The following NEBL variants were observed in gnomAD, a reference collection of about 807,000 sequenced individuals.
NEBL encodes the protein nebulette.
NEBL carries 122 observed loss-of-function variants against 140.2 expected under a neutral mutation model. The ratio of observed to expected loss-of-function variants is 0.87; its 90% CI spans 0.75 to 1.01. The LOEUF is 1.01. Among genes scored for constraint, NEBL ranks in the 50% least tolerant of loss-of-function variants. NEBL has a pLI of 0.00. For synonymous variants in NEBL, 436 were observed against 398.9 expected (o/e 1.09, Z -1.11); for missense variants, 1,365 against 1,231.3 (o/e 1.11, Z -1.62).
intron 3 of NEBL, among the ~76,000 whole-genome samples, chr10:21,018,548 C>G (rs557162198): frequency 4.3e-4 from 66 of 152,294 alleles, no homozygotes; most frequent in African/African-American, 1.6e-3. Context: ...TCCCAACCAT[C>G]TATTCATGGC....
At chr10:21,027,538 A>G (rs1399167299) in intron 2 of NEBL, among the ~76,000 whole-genome samples, 1 of 152,204 alleles carries the variant, frequency 6.6e-6, no homozygotes, top group East Asian at 1.9e-4. Context: ...CATGTTGCCC[A>G]GGCTGGATCT....
At chr10:21,027,942 C>A (rs1833583315) in intron 2 of NEBL, among the ~76,000 whole-genome samples, 1 of 151,942 alleles carries the variant, frequency 6.6e-6, no homozygotes, top group African/African-American at 2.4e-5. Flanking sequence ...GAGAAATAGG[C>A]CAAGTGCAGT....
intron 3 of NEBL, among the ~76,000 whole-genome samples, chr10:20,971,448 T>A (rs11012425): frequency 7.0e-6 from 1 of 143,636 alleles, no homozygotes; most frequent in East Asian, 2.0e-4. Flanking sequence ...TTTTTTTTTC[T>A]TTTTTTTTTT....
At chr10:20,850,959 C>T (rs569437549) in intron 10 of NEBL, among the ~76,000 whole-genome samples, 20 of 152,162 alleles carry the variant, frequency 1.3e-4, no homozygotes, top group Non-Finnish European at 2.5e-4. Flanking sequence ...GGAGGATGTC[C>T]TCCAGGGATG....
intron 26 of NEBL, chr10:20,793,354 A>C: frequency 1.0e-6 from 1 of 978,204 alleles, no homozygotes; most frequent in South Asian, 4.7e-5. Flanking sequence ...TTAAATCTTC[A>C]GTTTCAGCAG....
At chr10:20,899,341 T>A (rs1319591356), upstream of NEBL, 11 of 1,221,102 alleles carry the variant, frequency 9.0e-6, no homozygotes, top group Non-Finnish European at 1.2e-5. Flanking sequence ...AGTACTGGTG[T>A]TACTCAGGGT....
intron 2 of NEBL, among the ~76,000 whole-genome samples, chr10:21,122,738 T>C (rs1470958953): frequency 6.6e-6 from 1 of 152,122 alleles, no homozygotes; most frequent in Admixed American, 6.6e-5. Context: ...AGAAGAGATA[T>C]CTATTTGAGT....
intron 2 of NEBL, among the ~76,000 whole-genome samples, chr10:21,088,546 T>C (rs1016357923): frequency 6.6e-6 from 1 of 152,142 alleles, no homozygotes; most frequent in Admixed American, 6.6e-5. Flanking sequence ...CTTCTTTCAA[T>C]GGCCAAAGCA....
In NEBL at chr10:21,037,190, G is replaced by A. The variant is rs1459050684; in HGVS notation, c.165-16989C>T. On this transcript the variant is annotated intron_variant, in intron 2 of 6. Transcript: ENST00000417816. ...CTTTGCTCCTAAAAATGAACAAGCAGCCAGCGACCATCCAGTCATTTAAGA... is the reference window on the plus strand; with the variant it reads ...CTTTGCTCCTAAAAATGAACAAGCAACCAGCGACCATCCAGTCATTTAAGA... Among the ~76,000 whole-genome samples the A allele has an allele frequency of 2.8e-5, 4 of 144,026 alleles. No individual in the cohort carries two copies. In the Admixed American group the frequency reaches 2.9e-4, roughly 10 times the overall value. 94.5% of individuals were successfully genotyped at this position (144,026 alleles called of 152,430 possible).
In NEBL at chr10:20,858,292, G is replaced by T; in HGVS notation, c.851C>A (p.Pro284Gln). Residue 284 changes from proline (P) to glutamine (Q), a missense_variant, in exon 9 of 28, where the codon CCA becomes CAA. Around this residue, in one of 2 missense-constraint regions of NEBL, gnomAD observed 1,323 missense variants for 1,154.8 expected, o/e 1.15. Coordinates refer to ENST00000377122, the MANE Select transcript of NEBL (RefSeq NM_006393.3). ...QNMHDPVSDL[P>Q]NLLFLDHVLK... ...AACATGGTCTAAAAACAACAAATTTGGGAGATCTGAAACTGGATCATGCAT... is the reference window on the plus strand; with the variant it reads ...AACATGGTCTAAAAACAACAAATTTTGGAGATCTGAAACTGGATCATGCAT... The T allele has an allele frequency of 6.2e-7, 1 of 1,611,924 alleles. No homozygotes were observed.
At chr10:21,158,214 T>A (rs1470123037) in intron 2 of NEBL, among the ~76,000 whole-genome samples, 1 of 152,228 alleles carries the variant, frequency 6.6e-6, no homozygotes, top group Non-Finnish European at 1.5e-5. Flanking sequence ...GGAATTAATG[T>A]CACATTAATT....
intron 3 of NEBL, among the ~76,000 whole-genome samples, chr10:21,235,246 C>T (rs72800006): frequency 0.041 from 6,226 of 152,086 alleles, 190 homozygotes; most frequent in South Asian, 0.14. Flanking sequence ...CAGTGAGCTA[C>T]GACTGTGCCA....
At chr10:21,289,754 T>C (rs1044814973) in intron 1 of NEBL, among the ~76,000 whole-genome samples, 12 of 152,228 alleles carry the variant, frequency 7.9e-5, no homozygotes, top group Admixed American at 2.0e-4. Flanking sequence ...ACTGAAAATA[T>C]ATTTTCCTTA....
chr10:20,998,364 C>T (rs1382524709), intron 3 of NEBL, among the ~76,000 whole-genome samples: 1 of 152,142 alleles, frequency 6.6e-6, no homozygotes, highest in African/African-American at 2.4e-5. Context: ...ATGAGATACT[C>T]TACAAAAAGC....
intron 3 of NEBL, among the ~76,000 whole-genome samples, chr10:21,005,537 C>T (rs1480960567): frequency 6.6e-6 from 1 of 152,154 alleles, no homozygotes; most frequent in Non-Finnish European, 1.5e-5. Flanking sequence ...GAGTTCGAGA[C>T]CAGCCTGGGC....
At chr10:20,920,204 T>C (rs1431844666) in intron 4 of NEBL, among the ~76,000 whole-genome samples, 1 of 152,218 alleles carries the variant, frequency 6.6e-6, no homozygotes, top group East Asian at 1.9e-4. Context: ...GTTGGAAACA[T>C]AACTGGTTCA....
At chr10:20,822,582 ACTAT>A (rs898283684) in intron 19 of NEBL, among the ~76,000 whole-genome samples, 41 of 151,532 alleles carry the variant, frequency 2.7e-4, no homozygotes, top group South Asian at 1.0e-3. Flanking sequence ...ATATATACAG[ACTAT>A]CTAATATAGA....
intron 4 of NEBL, among the ~76,000 whole-genome samples, chr10:20,912,202 A>C (rs1328325604): frequency 6.6e-6 from 1 of 152,230 alleles, no homozygotes; most frequent in Non-Finnish European, 1.5e-5. Flanking sequence ...CTTCTGTTTT[A>C]TAGTTTCCGT....
intron 3 of NEBL, among the ~76,000 whole-genome samples, chr10:21,198,957 A>T (rs1263445964): frequency 6.6e-6 from 1 of 151,736 alleles, no homozygotes; most frequent in African/African-American, 2.4e-5. Flanking sequence ...AAAGAGATTA[A>T]TTTTTGATTT....
Sources: allele counts gnomAD v4.1 joint callset (sites outside exome capture counted in the v4.1 genomes callset), GRCh38; gene constraint gnomAD v4.1.1; regional missense constraint gnomAD v4.1.1; transcripts MANE v1.5; gene names NCBI Gene and HGNC (gene_info 2026-07-23, HGNC 2026-07-21).